The following PPTC7 variants were observed in gnomAD, a reference collection of about 807,000 sequenced individuals.
PPTC7 encodes the protein protein phosphatase PTC7 homolog.
In PPTC7, 6 loss-of-function variants were observed where a neutral mutation model predicts 30.8. That is an observed-to-expected ratio of 0.19 (90% CI 0.11 to 0.38). The LOEUF (loss-of-function observed/expected upper bound fraction) is 0.38. PPTC7 is among the 10% of genes least tolerant of loss of function. PPTC7 has a pLI of 1.00. For missense variants in PPTC7, 218 were observed against 404.8 expected (o/e 0.54, Z 3.96); for synonymous variants, 163 against 168.1 (o/e 0.97, Z 0.23).
intron 1 of PPTC7, among the ~76,000 whole-genome samples, chr12:110,566,429 G>A (rs2064483553): frequency 6.6e-6 from 1 of 152,220 alleles, no homozygotes; most frequent in South Asian, 2.1e-4. Flanking sequence ...TCCAGCCCCA[G>A]AACAAGATGT....
intron 1 of PPTC7, among the ~76,000 whole-genome samples, chr12:110,555,438 TAAG>T (rs1284362390): frequency 4.6e-5 from 7 of 152,208 alleles, no homozygotes; most frequent in African/African-American, 1.2e-4. Context: ...TGAAGCTGAA[TAAG>T]AAGAACACCC....
chr12:110,557,320 A>C (rs2064397513), intron 1 of PPTC7, among the ~76,000 whole-genome samples: 1 of 152,246 alleles, frequency 6.6e-6, no homozygotes, highest in Non-Finnish European at 1.5e-5. Context: ...ACTCTAGCCC[A>C]GGCTGGAGTA....
chr12:110,576,909 G>C (rs1036265050), intron 1 of PPTC7, among the ~76,000 whole-genome samples: 1 of 152,200 alleles, frequency 6.6e-6, no homozygotes. Context: ...GTTCACGCCT[G>C]TAATCCCAGC....
chr12:110,573,437 G>A (rs1217501803), intron 1 of PPTC7, among the ~76,000 whole-genome samples: 1 of 152,104 alleles, frequency 6.6e-6, no homozygotes, highest in African/African-American at 2.4e-5. Context: ...GCATGCTTCT[G>A]GAGTCACACA....
chr12:110,568,316 G>A (rs968225949), intron 1 of PPTC7, among the ~76,000 whole-genome samples: 3 of 149,220 alleles, frequency 2.0e-5, no homozygotes, highest in South Asian at 2.1e-4. Flanking sequence ...GCAGTGCCGC[G>A]ATCTCGGCTC....
intron 2 of PPTC7, among the ~76,000 whole-genome samples, chr12:110,549,135 A>G (rs2064333104): frequency 1.3e-5 from 2 of 152,202 alleles, no homozygotes; most frequent in African/African-American, 4.8e-5. Flanking sequence ...AGCCTTTTGT[A>G]TGGCAGAAAA....
At chr12:110,540,009 C>G in intron 3 of PPTC7, 64 bp from the exon 4 acceptor site, 1 of 1,450,636 alleles carries the variant, frequency 6.9e-7, no homozygotes, top group Non-Finnish European at 9.4e-7. Flanking sequence ...TGAAAATGTC[C>G]TACAGGCACT....
chr12:110,543,612 G>A (rs557591140), intron 3 of PPTC7, among the ~76,000 whole-genome samples: 1 of 152,282 alleles, frequency 6.6e-6, no homozygotes, highest in East Asian at 1.9e-4. Flanking sequence ...TTATGCTGAG[G>A]TTTTTCTTTC....
intron 1 of PPTC7, among the ~76,000 whole-genome samples, chr12:110,553,748 C>T (rs2064366240): frequency 6.6e-6 from 1 of 152,168 alleles, no homozygotes; most frequent in African/African-American, 2.4e-5. Context: ...CACTGCACTC[C>T]AGCGTGGGTG....
At chr12:110,537,301 TAAAA>T (rs201757596) in intron 5 of PPTC7, among the ~76,000 whole-genome samples, 1 of 147,688 alleles carries the variant, frequency 6.8e-6, no homozygotes, top group African/African-American at 2.5e-5. Context: ...AACTGAAGCT[TAAAA>T]AAAAAAATCT....
At chr12:110,582,746 G>C in intron 1 of PPTC7, 63 bp downstream of exon 1, 1 of 1,372,886 alleles carries the variant, frequency 7.3e-7, no homozygotes, top group Non-Finnish European at 9.8e-7. Flanking sequence ...GGGAAGCCCC[G>C]CGCGGGGAGT....
intron 1 of PPTC7, among the ~76,000 whole-genome samples, chr12:110,576,559 GAC>G (rs1593168125): frequency 6.6e-6 from 1 of 152,208 alleles, no homozygotes; most frequent in African/African-American, 2.4e-5. Context: ...AGGAAGTACT[GAC>G]ACATGCTCCA....
chr12:110,579,366 A>G (rs956823411), intron 1 of PPTC7, among the ~76,000 whole-genome samples: 1 of 152,228 alleles, frequency 6.6e-6, no homozygotes, highest in Non-Finnish European at 1.5e-5. Flanking sequence ...GCATATGTGC[A>G]TGCTTGATCT....
chr12:110,569,927 A>G (rs2064518614), intron 1 of PPTC7, among the ~76,000 whole-genome samples: 1 of 152,184 alleles, frequency 6.6e-6, no homozygotes, highest in South Asian at 2.1e-4. Context: ...ACTAACAAAC[A>G]CCTCAACCAC....
chr12:110,551,405 G>C (rs2064348640), intron 2 of PPTC7, among the ~76,000 whole-genome samples: 1 of 152,182 alleles, frequency 6.6e-6, no homozygotes, highest in Non-Finnish European at 1.5e-5. Context: ...GGGTGCAATG[G>C]CGCCATCTCG....
chr12:110,582,564 T>C (rs1342965040), intron 1 of PPTC7, among the ~76,000 whole-genome samples: 2 of 152,054 alleles, frequency 1.3e-5, no homozygotes, highest in Non-Finnish European at 2.9e-5. Flanking sequence ...CACTCTCGGG[T>C]TGTGACCTTG....
At chr12:110,578,576 A>G (rs1480062628) in intron 1 of PPTC7, among the ~76,000 whole-genome samples, 1 of 152,230 alleles carries the variant, frequency 6.6e-6, no homozygotes, top group Non-Finnish European at 1.5e-5. Context: ...ATTTTAAATT[A>G]AAGAAACAAA....
At position 110,582,876 on chromosome 12, in the gene PPTC7, G is replaced by A; in HGVS notation, c.156C>T (p.Leu52=). Residue 52 remains leucine (L), a synonymous_variant, in exon 1 of 6, where the codon CTC becomes CTT. Transcript: ENST00000354300. ...GFGKDFRKGL[L]KKGACYGDDA... ...CGTCCCCGTAGCACGCGCCCTTCTT[G>A]AGGAGGCCCTTACGGAAGTCCTTCC... 1 of 1,557,386 alleles carries A rather than the reference G, an allele frequency of 6.4e-7. No individual in the cohort carries two copies. Among genetic ancestry groups the A allele is most frequent in the South Asian group, 1.2e-5 (1 of 84,850 alleles).
intron 1 of PPTC7, among the ~76,000 whole-genome samples, chr12:110,562,002 T>C (rs898502085): frequency 6.6e-6 from 1 of 152,072 alleles, no homozygotes; most frequent in African/African-American, 2.4e-5. Flanking sequence ...AAATGTTGTA[T>C]CTGCAAATAA....
Sources: gnomAD v4.1 joint callset for allele counts (sites outside exome capture counted in the v4.1 genomes callset) on GRCh38, gnomAD v4.1.1 for gene constraint, MANE v1.5 for transcripts, NCBI Gene and HGNC (gene_info 2026-07-23, HGNC 2026-07-21) for gene names.